Variants in DNM3 observed in about 807,000 individuals in gnomAD.
The protein encoded by DNM3 is dynamin 3.
A neutral mutation model predicts 101.6 loss-of-function variants in DNM3; 47 were observed. That is an observed-to-expected ratio of 0.46 (90% CI 0.37 to 0.59). The LOEUF (loss-of-function observed/expected upper bound fraction) is 0.59, where lower values mean the gene tolerates loss of function less well. Ranked by LOEUF, DNM3 falls within the 20% of genes least tolerant of loss-of-function variation. DNM3 has a pLI of 0.00. For missense variants in DNM3, 849 were observed against 1,085.7 expected (o/e 0.78, Z 3.06); for synonymous variants, 385 against 387.9 (o/e 0.99, Z 0.09).
intron 20 of DNM3, chr1:172,393,181 T>C (rs968807979): frequency 6.6e-6 from 1 of 152,254 alleles, no homozygotes; most frequent in Non-Finnish European, 1.5e-5. Flanking sequence ...AATCAATGCA[T>C]GCATATTCTT....
intron 6 of DNM3, among the ~76,000 whole-genome samples, chr1:172,033,925 A>G (rs1385386994): frequency 2.0e-5 from 3 of 152,168 alleles, no homozygotes; most frequent in Non-Finnish European, 4.4e-5. Context: ...GACAAGCATC[A>G]TTGTCATTGA....
chr1:172,119,403 C>T (rs1236044849), intron 13 of DNM3, among the ~76,000 whole-genome samples: 1 of 152,076 alleles, frequency 6.6e-6, no homozygotes, highest in Non-Finnish European at 1.5e-5. Context: ...ATCTTTTCAC[C>T]TTTACGTTTG....
At chr1:172,178,458 A>G (rs2059230829) in intron 14 of DNM3, among the ~76,000 whole-genome samples, 1 of 151,974 alleles carries the variant, frequency 6.6e-6, no homozygotes. Flanking sequence ...AATTTTTTAC[A>G]TATATGAAGT....
At chr1:171,917,652 T>C (rs1158760528) in intron 1 of DNM3, among the ~76,000 whole-genome samples, 2 of 152,198 alleles carry the variant, frequency 1.3e-5, no homozygotes, top group Admixed American at 1.3e-4. Context: ...CAACCACAAA[T>C]AAGGCATTTG....
At chr1:172,396,265 G>T (rs2069988731) in intron 20 of DNM3, among the ~76,000 whole-genome samples, 2 of 152,154 alleles carry the variant, frequency 1.3e-5, no homozygotes, top group Non-Finnish European at 2.9e-5. Context: ...AGTCAAAATG[G>T]CAAGTAGCAA....
At chr1:172,018,345 CTTCT>C (rs1290969386) in intron 4 of DNM3, among the ~76,000 whole-genome samples, 1 of 152,064 alleles carries the variant, frequency 6.6e-6, no homozygotes, top group Non-Finnish European at 1.5e-5. Flanking sequence ...TCCATTTTAT[CTTCT>C]TTCTTAGTAT....
intron 14 of DNM3, among the ~76,000 whole-genome samples, chr1:172,198,139 G>A (rs1369653140): frequency 6.6e-6 from 1 of 152,076 alleles, no homozygotes; most frequent in Non-Finnish European, 1.5e-5. Flanking sequence ...TTTATGTAAA[G>A]CCCTTTCTTC....
At chr1:172,355,692 A>G (rs1416210719) in intron 17 of DNM3, among the ~76,000 whole-genome samples, 2 of 152,150 alleles carry the variant, frequency 1.3e-5, no homozygotes, top group African/African-American at 2.4e-5. Flanking sequence ...CAGCTCCTAT[A>G]CACGATTGGA....
intron 14 of DNM3, among the ~76,000 whole-genome samples, chr1:172,146,537 C>T (rs1218919028): frequency 6.6e-6 from 1 of 152,052 alleles, no homozygotes; most frequent in Non-Finnish European, 1.5e-5. Flanking sequence ...CTTGCACAAG[C>T]CCATAAGACT....
chr1:172,285,812 T>A (rs996394610), intron 15 of DNM3, among the ~76,000 whole-genome samples: 2 of 152,110 alleles, frequency 1.3e-5, no homozygotes, highest in Non-Finnish European at 2.9e-5. Flanking sequence ...TCCTCCACCC[T>A]TTTCTGTTTC....
intron 2 of DNM3, among the ~76,000 whole-genome samples, chr1:171,934,367 C>T (rs6689231): frequency 0.27 from 40,574 of 152,076 alleles, 6,010 homozygotes; most frequent in Admixed American, 0.36. Context: ...TTTTATTGTA[C>T]TGTTGAAGTA....
At chr1:172,237,364 G>A (rs888983344) in intron 14 of DNM3, among the ~76,000 whole-genome samples, 6 of 152,218 alleles carry the variant, frequency 3.9e-5, no homozygotes, top group Admixed American at 1.3e-4. Context: ...AGGACACCCA[G>A]TGTATGTTCC....
chr1:172,094,470 C>G (rs2147833297), intron 13 of DNM3, among the ~76,000 whole-genome samples: 1 of 152,282 alleles, frequency 6.6e-6, no homozygotes, highest in South Asian at 2.1e-4. Context: ...TGGGAAGACA[C>G]AGGTTTTAGA....
In DNM3 at chr1:172,362,645, T is replaced by A. The variant is rs9425574; in HGVS notation, c.1894-16373T>A. 3.3e-3 allele frequency among the ~76,000 whole-genome samples: 495 copies of A among 152,016 alleles called. 2 individuals carry two copies. The highest frequency in any genetic ancestry group is 0.011 in the African/African-American group (470 of 41,524). ...AGAAACATCTTTGACCCAACCCTGG[T>A]ATCTTGATAAACACCGTGCCATTCC... On this transcript the variant is annotated intron_variant, in intron 17 of 20. Coordinates refer to ENST00000627582, the MANE Select transcript of DNM3 (RefSeq NM_015569.5).
At position 171,876,626 on chromosome 1, in the gene DNM3, CT is replaced by C. The variant is rs545707662; in HGVS notation, c.161+34811del. On this transcript the variant is annotated intron_variant, in intron 1 of 20. Transcript: ENST00000627582. The stretch of plus-strand genomic sequence containing the variant: ...AAGTGGATTAGGATCATGTTAGTGA[CT>C]TCCAGGGCAGATACCTTTCTCACAG... Among the ~76,000 whole-genome samples the C allele has an allele frequency of 7.6e-4, 116 of 152,306 alleles. 1 individual carries two copies. The South Asian group carries it at 0.022, about 29-fold the overall frequency.
At position 172,068,832 on chromosome 1, in the gene DNM3, C is replaced by T. The variant is rs1300793137; in HGVS notation, c.1349C>T (p.Pro450Leu). Reference sequence around the variant, plus strand: ...TTTTCTTGACAGCTGGCAAACTTCCCCAGACTCTGCGAGGAAACGGAAAGG... The same window carrying T: ...TTTTCTTGACAGCTGGCAAACTTCCTCAGACTCTGCGAGGAAACGGAAAGG... ...KKCTKKLANF[P>L]RLCEETERIV... Residue 450 changes from proline to leucine, a missense_variant, in exon 11 of 21, where the codon CCC becomes CTC. Physicochemically the swap from Pro to Leu is moderately conservative, Grantham distance 98. Transcript: ENST00000627582. 1.9e-6 allele frequency: 3 copies of T among 1,571,522 alleles called. No individual in the cohort carries two copies. The highest frequency in any genetic ancestry group is 2.6e-6 in the Non-Finnish European group (3 of 1,157,682).
At chr1:172,225,832 A>G (rs1298152446) in intron 14 of DNM3, among the ~76,000 whole-genome samples, 4 of 151,730 alleles carry the variant, frequency 2.6e-5, no homozygotes, top group African/African-American at 7.3e-5. Context: ...TTTCAATGAA[A>G]ATGCATGAAT....
At position 172,409,441 on chromosome 1, in the gene DNM3, C is replaced by A. The variant is rs1217051220; in HGVS notation, c.*1600C>A. The stretch of plus-strand genomic sequence containing the variant: ...TGAGTGCCATTGTATTGAACTTATT[C>A]TAAAGGCTTATGCTAACCCATTTAT... On this transcript the variant is annotated 3_prime_UTR_variant, in exon 21 of 21. Transcript: ENST00000627582. 5.3e-5 allele frequency: 52 copies of A among 984,288 alleles called. No individual in the cohort carries two copies. Among genetic ancestry groups the A allele is most frequent in the Non-Finnish European group, 6.2e-5 (51 of 829,074 alleles). 61.0% of individuals were successfully genotyped at this position (984,288 alleles called of 1,614,324 possible).
intron 8 of DNM3, among the ~76,000 whole-genome samples, chr1:172,043,888 C>G (rs995085487): frequency 6.6e-6 from 1 of 152,148 alleles, no homozygotes; most frequent in Admixed American, 6.6e-5. Flanking sequence ...TATTTGTAAT[C>G]TATCCTGTGT....
Sources: allele counts gnomAD v4.1 joint callset (sites outside exome capture counted in the v4.1 genomes callset), GRCh38; gene constraint gnomAD v4.1.1; transcripts MANE v1.5; gene names NCBI Gene and HGNC (gene_info 2026-07-23, HGNC 2026-07-21).